The following SPOCK3 variants were observed in gnomAD, a reference collection of about 807,000 sequenced individuals.
The protein encoded by SPOCK3 is SPARC (osteonectin), cwcv and kazal like domains proteoglycan 3.
In SPOCK3, 30 loss-of-function variants were observed where a neutral mutation model predicts 56.6. The observed-to-expected ratio is 0.53, with a 90% CI of 0.40 to 0.72. The LOEUF is 0.72. Among genes scored for constraint, SPOCK3 ranks in the 30% least tolerant of loss-of-function variants. The pLI, the probability that SPOCK3 is intolerant of heterozygous loss-of-function variation, is 0.00. For synonymous variants in SPOCK3, 196 were observed against 183.3 expected (o/e 1.07, Z -0.56); for missense variants, 527 against 530.0 (o/e 0.99, Z 0.06).
chr4:166,867,928 A>G (rs879798645), intron 6 of SPOCK3, among the ~76,000 whole-genome samples: 3 of 151,920 alleles, frequency 2.0e-5, no homozygotes, highest in Admixed American at 2.0e-4. Context: ...AATTACTTTT[A>G]TATGTATATA....
At chr4:166,745,133 G>T (rs971028306) in intron 8 of SPOCK3, among the ~76,000 whole-genome samples, 1 of 152,072 alleles carries the variant, frequency 6.6e-6, no homozygotes. Flanking sequence ...AGGATATACA[G>T]AGAACACCAC....
intron 7 of SPOCK3, among the ~76,000 whole-genome samples, chr4:166,780,656 A>G (rs999333742): frequency 1.1e-4 from 17 of 152,202 alleles, no homozygotes; most frequent in Admixed American, 1.1e-3. Flanking sequence ...GAATATCCTG[A>G]GTATAGACCA....
At chr4:166,829,706 T>C (rs892877445) in intron 6 of SPOCK3, among the ~76,000 whole-genome samples, 2 of 152,092 alleles carry the variant, frequency 1.3e-5, no homozygotes, top group Non-Finnish European at 2.9e-5. Flanking sequence ...TTATTGACTG[T>C]ATCATCTACG....
chr4:167,116,657 T>G (rs1183405809), intron 2 of SPOCK3, among the ~76,000 whole-genome samples: 1 of 67,726 alleles, frequency 1.5e-5, no homozygotes, highest in Non-Finnish European at 2.6e-5. Context: ...TATACACATA[T>G]ATACGTATAT....
chr4:167,012,715 G>T (rs1173414070), intron 3 of SPOCK3, among the ~76,000 whole-genome samples: 1 of 151,894 alleles, frequency 6.6e-6, no homozygotes, highest in African/African-American at 2.4e-5. Flanking sequence ...GCTTATTTGT[G>T]TGCTCTCACA....
chr4:167,110,470 T>C (rs187926621), intron 2 of SPOCK3, among the ~76,000 whole-genome samples: 231 of 152,206 alleles, frequency 1.5e-3, no homozygotes, highest in African/African-American at 5.4e-3. Context: ...ATCTATATGA[T>C]TCCTGTCTCT....
intron 4 of SPOCK3, among the ~76,000 whole-genome samples, chr4:166,940,073 C>T (rs1408427380): frequency 6.6e-6 from 1 of 152,052 alleles, no homozygotes; most frequent in Non-Finnish European, 1.5e-5. Context: ...GGAAAATGGA[C>T]ATGAACATGC....
chr4:166,822,086 A>T (rs562319730), intron 6 of SPOCK3, among the ~76,000 whole-genome samples: 123 of 151,730 alleles, frequency 8.1e-4, no homozygotes, highest in African/African-American at 2.7e-3. Flanking sequence ...TTTGATCCTA[A>T]CAATAAAAAT....
intron 4 of SPOCK3, among the ~76,000 whole-genome samples, chr4:166,979,141 G>A (rs780935815): frequency 1.6e-4 from 24 of 152,214 alleles, no homozygotes; most frequent in East Asian, 5.8e-4. Context: ...TTTAAGAGCC[G>A]CAGATTCACA....
At chr4:167,126,456 G>A (rs939236660) in intron 2 of SPOCK3, among the ~76,000 whole-genome samples, 2 of 152,106 alleles carry the variant, frequency 1.3e-5, no homozygotes, top group African/African-American at 4.8e-5. Flanking sequence ...GGCTGAGGCA[G>A]GATAATTGCT....
At chr4:166,884,865 G>A (rs575859823) in intron 6 of SPOCK3, among the ~76,000 whole-genome samples, 1 of 118,778 alleles carries the variant, frequency 8.4e-6, no homozygotes, top group South Asian at 3.0e-4. Context: ...TCCATAAACT[G>A]GTTAAACACA....
chr4:166,860,802 C>CATATATATATATATATATATATATATGT lies in SPOCK3; in HGVS notation c.589+28327_589+28328insACATATATATATATATATATATATATAT. On this transcript the variant is annotated intron_variant, in intron 6 of 10. Coordinates refer to ENST00000357545, the MANE Select transcript of SPOCK3 (RefSeq NM_001040159.2). The stretch of plus-strand genomic sequence containing the variant: ...ACACGTGTACATGCACACACAAATT[C>CATATATATATATATATATATATATATGT]ATATATATATATATGTATATATATA... 2.9e-5 allele frequency among the ~76,000 whole-genome samples: 3 copies of CATATATATATATATATATATATATATGT among 101,938 alleles called. 1 individual carries two copies. The South Asian group carries it at 9.6e-4, about 33-fold the overall frequency. 66.9% of individuals were successfully genotyped at this position (101,938 alleles called of 152,430 possible).
intron 7 of SPOCK3, among the ~76,000 whole-genome samples, chr4:166,782,205 ATTAC>A (rs1159286224): frequency 6.6e-6 from 1 of 152,152 alleles, no homozygotes; most frequent in African/African-American, 2.4e-5. Flanking sequence ...ATGAGATCTT[ATTAC>A]TTTTTACTTG....
At chr4:167,120,518 A>C (rs1479230248) in intron 2 of SPOCK3, among the ~76,000 whole-genome samples, 1 of 152,070 alleles carries the variant, frequency 6.6e-6, no homozygotes, top group Non-Finnish European at 1.5e-5. Context: ...ATTGATTATA[A>C]AAATGCTTTG....
At chr4:166,990,350 C>A (rs1302361820) in intron 4 of SPOCK3, among the ~76,000 whole-genome samples, 1 of 151,680 alleles carries the variant, frequency 6.6e-6, no homozygotes, top group African/African-American at 2.4e-5. Flanking sequence ...TGTAACTAAC[C>A]TGCATGTTGT....
At chr4:167,129,509 A>G (rs1407078918) in intron 2 of SPOCK3, among the ~76,000 whole-genome samples, 2 of 151,954 alleles carry the variant, frequency 1.3e-5, no homozygotes, top group African/African-American at 4.8e-5. Flanking sequence ...TGCTTGAGCA[A>G]TCTCTTTCTT....
At chr4:167,205,558 A>ATATATAATATATAT (rs1734215254) in intron 2 of SPOCK3, among the ~76,000 whole-genome samples, 1 of 56,038 alleles carries the variant, frequency 1.8e-5, no homozygotes, top group African/African-American at 7.6e-5. Context: ...ATAATATATA[A>ATATATAATATATAT]TATATATTAT....
At chr4:167,131,395 T>G (rs934580720) in intron 2 of SPOCK3, among the ~76,000 whole-genome samples, 1 of 152,088 alleles carries the variant, frequency 6.6e-6, no homozygotes, top group South Asian at 2.1e-4. Context: ...AAGACCAGCC[T>G]GGCCAACATG....
At chr4:166,997,883 C>T (rs1417317010) in intron 4 of SPOCK3, among the ~76,000 whole-genome samples, 1 of 151,948 alleles carries the variant, frequency 6.6e-6, no homozygotes, top group Non-Finnish European at 1.5e-5. Context: ...TTCCTTTAAA[C>T]AGAAAAAAGG....
Sources: gnomAD v4.1 joint callset for allele counts (sites outside exome capture counted in the v4.1 genomes callset) on GRCh38, gnomAD v4.1.1 for gene constraint, MANE v1.5 for transcripts, NCBI Gene and HGNC (gene_info 2026-07-23, HGNC 2026-07-21) for gene names.